LIX1L: variants seen among roughly 807,000 people sequenced by gnomAD.
LIX1L encodes limb and CNS expressed 1 like.
LIX1L carries 20 observed loss-of-function variants against 34.0 expected under a neutral mutation model. The observed-to-expected ratio is 0.59, with a 90% CI of 0.41 to 0.85. The LOEUF (loss-of-function observed/expected upper bound fraction) is 0.85. Ranked by LOEUF, LIX1L falls within the 40% of genes least tolerant of loss-of-function variation. The probability of loss-of-function intolerance (pLI) is 0.00; values close to 1 mark genes in which losing one functional copy is unlikely to be tolerated. For synonymous variants in LIX1L, 170 were observed against 187.4 expected, an observed-to-expected ratio of 0.91 and a Z score of 0.76; for missense variants, 397 against 447.0, an observed-to-expected ratio of 0.89 and a Z score of 1.01.
chr1:145,957,957 G>GC lies in LIX1L; in HGVS notation c.-31dup. On this transcript the variant is annotated 5_prime_UTR_variant, in exon 1 of 6. Coordinates refer to ENST00000604000, the MANE Select transcript of LIX1L (RefSeq NM_153713.3). ...GCCGCCAATGGAGTAGCGCCCCGGAGCCTGCCAGCCTGCCGAGCTAACGGT... is the reference window on the plus strand; with the variant it reads ...GCCGCCAATGGAGTAGCGCCCCGGAGCCCTGCCAGCCTGCCGAGCTAACGGT... 7.2e-7 allele frequency: 1 copy of GC among 1,385,800 alleles called. No homozygotes were observed. The highest frequency in any genetic ancestry group is 1.5e-5 in the South Asian group (1 of 65,966). 85.8% of individuals were successfully genotyped at this position (1,385,800 alleles called of 1,614,324 possible).
Position 145,957,873 on chromosome 1 carries a change from C to T in LIX1L, c.55G>A (p.Gly19Ser). 2 of 1,475,628 alleles carry T rather than the reference C, an allele frequency of 1.4e-6. No homozygotes were observed. Among genetic ancestry groups the T allele is most frequent in the Non-Finnish European group, 1.8e-6 (2 of 1,116,198 alleles). 91.4% of individuals were successfully genotyped at this position (1,475,628 alleles called of 1,614,324 possible). The stretch of plus-strand genomic sequence containing the variant: ...CCGGGCCGCAGCGCTCGGAGAGTGC[C>T]CCTCCCGCTGGTGCCCACACCAGGC... Reference protein sequence around the residue: ...LQPGVGTSGRGTLRALRPGVT... With the variant: ...LQPGVGTSGRSTLRALRPGVT... The change falls in exon 1 of 6, where the codon GGC becomes AGC. Residue 19 changes from glycine (G) to serine (S), a missense_variant. Physicochemically the swap from Gly to Ser is moderately conservative, Grantham distance 56. Around this residue, in one of 3 missense-constraint regions of LIX1L, gnomAD observed 207 missense variants for 205.2 expected, o/e 1.01. Transcript: ENST00000604000.
At chr1:145,940,522 T>C (rs1648865854) in intron 3 of LIX1L, among the ~76,000 whole-genome samples, 1 of 129,408 alleles carries the variant, frequency 7.7e-6, no homozygotes, top group Non-Finnish European at 1.5e-5. Flanking sequence ...AATTTTTGTA[T>C]TTTTTCTTTT....
chr1:145,954,035 A>G (rs782774563), intron 1 of LIX1L, among the ~76,000 whole-genome samples: 3 of 151,954 alleles, frequency 2.0e-5, no homozygotes, highest in South Asian at 2.1e-4. Context: ...AGTCCAGCCT[A>G]GGCAACACAG....
At chr1:145,946,852 G>A (rs1169926162) in intron 2 of LIX1L, among the ~76,000 whole-genome samples, 1 of 152,110 alleles carries the variant, frequency 6.6e-6, no homozygotes, top group Non-Finnish European at 1.5e-5. Flanking sequence ...CAGAACAAAG[G>A]TGTTTATTAT....
At chr1:145,942,502 CA>C (rs1370613705) in intron 3 of LIX1L, among the ~76,000 whole-genome samples, 1 of 152,072 alleles carries the variant, frequency 6.6e-6, no homozygotes, top group African/African-American at 2.4e-5. Context: ...GACAAAACAA[CA>C]AAAAACACAT....
Position 145,947,567 on chromosome 1 carries a change from GT to G in LIX1L, c.456+51del, listed in dbSNP as rs782803296. On this transcript the variant is annotated intron_variant, in intron 2 of 5. Transcript: ENST00000604000. ...AATGGCCAAAGTGGTGGAGAAAGCC[GT>G]TACTAACATCTAAGCATTTACCTTT... 305 of 1,580,036 alleles carry G rather than the reference GT, an allele frequency of 1.9e-4. 2 individuals are homozygous for G. The Admixed American group carries it at 5.1e-3, about 26-fold the overall frequency.
intron 4 of LIX1L, among the ~76,000 whole-genome samples, 178 bp from the exon 5 acceptor site, chr1:145,937,163 T>TTAC (rs1648684423): frequency 2.0e-5 from 3 of 148,928 alleles, no homozygotes; most frequent in African/African-American, 7.6e-5. Context: ...TATTTATTTA[T>TTAC]TTATTTATTT....
chr1:145,953,106 G>A lies in LIX1L; in HGVS notation c.292+4530C>T, dbSNP rs57576762. On this transcript the variant is annotated intron_variant, in intron 1 of 5. Coordinates refer to ENST00000604000, the MANE Select transcript of LIX1L (RefSeq NM_153713.3). ...TCAAAAAAATTTTTTTGTAGAGATGGGGTCTCACTATGTTGCCCAGGCTGG... is the reference window on the plus strand; with the variant it reads ...TCAAAAAAATTTTTTTGTAGAGATGAGGTCTCACTATGTTGCCCAGGCTGG... Among the ~76,000 whole-genome samples, 672 of 151,818 alleles carry A rather than the reference G, an allele frequency of 4.4e-3. 4 individuals carry two copies. Among genetic ancestry groups the A allele is most frequent in the African/African-American group, 0.015 (638 of 41,384 alleles).
chr1:145,949,309 A>G (rs1553759540), intron 1 of LIX1L, among the ~76,000 whole-genome samples: 1 of 152,234 alleles, frequency 6.6e-6, no homozygotes, highest in East Asian at 1.9e-4. Context: ...GACCTAGTTA[A>G]GAAGGTCAAA....
chr1:145,955,438 A>C (rs1200738173), intron 1 of LIX1L, among the ~76,000 whole-genome samples: 2 of 152,244 alleles, frequency 1.3e-5, no homozygotes, highest in East Asian at 1.9e-4. Flanking sequence ...GAAGGATGTT[A>C]ATTGAAGATG....
Position 145,957,707 on chromosome 1 carries a change from G to C in LIX1L, c.221C>G (p.Pro74Arg), listed in dbSNP as rs782319764. The C allele has an allele frequency of 3.3e-6, 5 of 1,503,838 alleles. No individual in the cohort carries two copies. The highest frequency in any genetic ancestry group is 2.5e-5 in the South Asian group (2 of 79,338). 93.2% of individuals were successfully genotyped at this position (1,503,838 alleles called of 1,614,324 possible). Reference sequence around the variant, plus strand: ...CTCCACGGCCTCTCGCAGCACTGCCGGGCTGCCGGCGGCGCCGGGGGGCAG... The same window carrying C: ...CTCCACGGCCTCTCGCAGCACTGCCCGGCTGCCGGCGGCGCCGGGGGGCAG... ...LPLPPGAAGS[P>R]AVLREAVEAV... Residue 74 changes from proline (P) to arginine (R), a missense_variant, in exon 1 of 6, where the codon CCG (proline) becomes CGG (arginine). Transcript: ENST00000604000.
chr1:145,949,657 T>C lies in LIX1L; in HGVS notation c.293-1875A>G, dbSNP rs587650824. 2.0e-5 allele frequency among the ~76,000 whole-genome samples: 3 copies of C among 151,210 alleles called. No individual in the cohort carries two copies. The East Asian group carries it at 5.8e-4, about 29-fold the overall frequency. On this transcript the variant is annotated intron_variant, in intron 1 of 5. Coordinates refer to ENST00000604000, the MANE Select transcript of LIX1L (RefSeq NM_153713.3). ...TTTCTAACTCAGCTCCAAGGAAAAA[T>C]AACTAATTAAAAAAAAAAGGAGGGA...
rs1168248033 is a variant in LIX1L, at chr1:145,933,481, T to C, written c.*2829A>G. The C allele has an allele frequency of 6.6e-6, 1 of 152,190 alleles. No individual in the cohort carries two copies. Among genetic ancestry groups the C allele is most frequent in the African/African-American group, 2.4e-5 (1 of 41,454 alleles). 9.4% of individuals were successfully genotyped at this position (152,190 alleles called of 1,614,324 possible). Reference sequence around the variant, plus strand: ...AATTATACATATAAAATACATAGAATGTACTAAGAAGATGAGTAAAATCTT... The same window carrying C: ...AATTATACATATAAAATACATAGAACGTACTAAGAAGATGAGTAAAATCTT... On this transcript the variant is annotated 3_prime_UTR_variant, in exon 6 of 6. Transcript: ENST00000604000.
chr1:145,942,777 G>T lies in LIX1L; in HGVS notation c.533C>A (p.Pro178His). 6.2e-7 allele frequency: 1 copy of T among 1,614,124 alleles called. No individual in the cohort carries two copies. The change falls in exon 3 of 6, where the codon CCT (proline) becomes CAT (histidine). Residue 178 changes from proline to histidine, a missense_variant. Transcript: ENST00000604000. ...GAACTCATCAGTGATTCTTCGGGAA[G>T]GATGTTCATTAAACACAGAATTCAT... ...ALMNSVFNEH[P>H]SRRITDEFIE...
In LIX1L at chr1:145,936,549, C is replaced by T; in HGVS notation, c.775G>A (p.Val259Met). The T allele has an allele frequency of 1.2e-6, 2 of 1,614,028 alleles. No individual in the cohort carries two copies. The highest frequency in any genetic ancestry group is 1.7e-6 in the Non-Finnish European group (2 of 1,180,004). The change falls in exon 6 of 6, where the codon GTG becomes ATG. Residue 259 changes from valine (V) to methionine (M), a missense_variant. By Grantham distance (21) the Val-to-Met change is conservative. Coordinates refer to ENST00000604000, the MANE Select transcript of LIX1L (RefSeq NM_153713.3). Reference sequence around the variant, plus strand: ...GCCCGGTGCGAATAATGAGCCAACACCTCCTAGTAGGGGAGGGGAATGTGA... The same window carrying T: ...GCCCGGTGCGAATAATGAGCCAACATCTCCTAGTAGGGGAGGGGAATGTGA... Reference protein sequence around the residue: ...MRERQCSRQEVLAHYSHRALD... With the variant: ...MRERQCSRQEMLAHYSHRALD...
chr1:145,937,716 A>G lies in LIX1L; in HGVS notation c.598-17T>C, dbSNP rs1405171574. On this transcript the variant is annotated splice_polypyrimidine_tract_variant and intron_variant, in intron 3 of 5. Transcript: ENST00000604000. ...CCTGTTGCCCTGGTAGTAGAGGAACAGAAAAGACAAATAGATTTTCAACCA... is the reference window on the plus strand; with the variant it reads ...CCTGTTGCCCTGGTAGTAGAGGAACGGAAAAGACAAATAGATTTTCAACCA... 2.1e-6 allele frequency: 3 copies of G among 1,454,768 alleles called. No individual in the cohort carries two copies. The highest frequency in any genetic ancestry group is 1.7e-5 in the Admixed American group (1 of 59,812). 90.1% of individuals were successfully genotyped at this position (1,454,768 alleles called of 1,614,324 possible). A position where few individuals can be genotyped will look rare whatever the true frequency, so the allele number is the denominator to read the frequency against.
At position 145,933,697 on chromosome 1, in the gene LIX1L, C is replaced by CA. The variant is rs1352516813; in HGVS notation, c.*2612dup. ...TTGATGAGTGCCAGCTTATAAATGT[C>CA]AAACAGACACACCTGGTGTGTCTAG... On this transcript the variant is annotated 3_prime_UTR_variant, in exon 6 of 6. Coordinates refer to ENST00000604000, the MANE Select transcript of LIX1L (RefSeq NM_153713.3). 6.6e-6 allele frequency: 1 copy of CA among 152,052 alleles called. No homozygotes were observed. The highest frequency in any genetic ancestry group is 2.4e-5 in the African/African-American group (1 of 41,390). 9.4% of individuals were successfully genotyped at this position (152,052 alleles called of 1,614,324 possible). A position where few individuals can be genotyped will look rare whatever the true frequency, so the allele number is the denominator to read the frequency against.
intron 3 of LIX1L, 71 bp from the exon 4 acceptor site, chr1:145,937,770 G>T: frequency 2.2e-6 from 2 of 901,868 alleles, no homozygotes; most frequent in Non-Finnish European, 3.7e-6. Context: ...GCACTGTCCA[G>T]TAGAAATATA....
At chr1:145,937,765 G>T in intron 3 of LIX1L, 66 bp from the exon 4 acceptor site, 1 of 940,558 alleles carries the variant, frequency 1.1e-6, no homozygotes, top group Non-Finnish European at 1.7e-6. Context: ...AAGCAGCACT[G>T]TCCAGTAGAA....
Sources: gnomAD v4.1 joint callset for allele counts (sites outside exome capture counted in the v4.1 genomes callset) on GRCh38, gnomAD v4.1.1 for gene constraint, gnomAD v4.1.1 regional missense constraint, MANE v1.5 for transcripts, NCBI Gene and HGNC (gene_info 2026-07-23, HGNC 2026-07-21) for gene names.